SCTR: variants seen among roughly 807,000 people sequenced by gnomAD.
The protein encoded by SCTR is pancreatic secretin receptor.
In SCTR, 56 loss-of-function variants were observed where a neutral mutation model predicts 60.8. That is an observed-to-expected ratio of 0.92 (90% CI 0.74 to 1.15). The LOEUF (loss-of-function observed/expected upper bound fraction) is 1.15. Ranked by LOEUF, SCTR falls within the 50% of genes most tolerant of loss-of-function variation. The pLI is 0.00. For synonymous variants in SCTR, 202 were observed against 217.0 expected (o/e 0.93, Z 0.61); for missense variants, 562 against 550.4 (o/e 1.02, Z -0.21).
intron 6 of SCTR, among the ~76,000 whole-genome samples, chr2:119,463,701 G>A (rs947889131): frequency 2.6e-5 from 4 of 152,154 alleles, no homozygotes; most frequent in African/African-American, 4.8e-5. Context: ...AAAACACAAC[G>A]TTTTATTGCA....
intron 3 of SCTR, among the ~76,000 whole-genome samples, chr2:119,476,070 T>C (rs1341762921): frequency 1.3e-5 from 2 of 152,082 alleles, no homozygotes; most frequent in Non-Finnish European, 2.9e-5. Flanking sequence ...TCAGGACCCA[T>C]GTAGTAGGTG....
chr2:119,484,675 TTTG>T (rs869219375), intron 2 of SCTR: 33 of 33,660 alleles, frequency 9.8e-4, no homozygotes, highest in Admixed American at 4.7e-3. Context: ...GTTTTTTTTG[TTTG>T]TTTGTTTGTT....
chr2:119,508,662 T>G (rs1422808777), intron 1 of SCTR, among the ~76,000 whole-genome samples: 1 of 152,200 alleles, frequency 6.6e-6, no homozygotes, highest in African/African-American at 2.4e-5. Flanking sequence ...GTGCTGGGAT[T>G]ACAGGTGTGA....
intron 2 of SCTR, among the ~76,000 whole-genome samples, chr2:119,491,499 T>C (rs1275032257): frequency 6.6e-6 from 1 of 152,172 alleles, no homozygotes; most frequent in East Asian, 1.9e-4. Flanking sequence ...TGTTTCTTTC[T>C]TTCTTTCATT....
At chr2:119,501,968 C>G (rs1234229200) in intron 1 of SCTR, among the ~76,000 whole-genome samples, 2 of 152,128 alleles carry the variant, frequency 1.3e-5, no homozygotes, top group African/African-American at 4.8e-5. Context: ...GAATTAAAAA[C>G]CCAGTGGCCA....
intron 4 of SCTR, among the ~76,000 whole-genome samples, chr2:119,472,417 G>A (rs1677062375): frequency 1.3e-5 from 2 of 152,242 alleles, no homozygotes; most frequent in African/African-American, 4.8e-5. Flanking sequence ...GGCACAGTGT[G>A]CATGAGATTT....
chr2:119,513,730 G>C (rs1238939652), intron 1 of SCTR, among the ~76,000 whole-genome samples: 3 of 152,046 alleles, frequency 2.0e-5, no homozygotes, highest in Non-Finnish European at 2.9e-5. Flanking sequence ...TTACACATCA[G>C]AGCTGTACTT....
At chr2:119,445,311 G>T (rs150893145) in intron 11 of SCTR, among the ~76,000 whole-genome samples, 1 of 152,324 alleles carries the variant, frequency 6.6e-6, no homozygotes, top group African/African-American at 2.4e-5. Context: ...AAGAGCAGTG[G>T]TGAGGAAAGC....
intron 3 of SCTR, among the ~76,000 whole-genome samples, chr2:119,473,791 C>T (rs1050152404): frequency 1.3e-5 from 2 of 152,122 alleles, no homozygotes; most frequent in Non-Finnish European, 2.9e-5. Flanking sequence ...CGTGCCAGTC[C>T]CCCTTCTCAC....
intron 1 of SCTR, among the ~76,000 whole-genome samples, chr2:119,513,887 G>A (rs1390444190): frequency 3.3e-5 from 5 of 152,046 alleles, no homozygotes; most frequent in Non-Finnish European, 5.9e-5. Context: ...TTGCTTTTCT[G>A]GGTAAATTCC....
intron 1 of SCTR, among the ~76,000 whole-genome samples, chr2:119,517,899 G>T (rs986091624): frequency 1.3e-5 from 2 of 152,178 alleles, no homozygotes; most frequent in Non-Finnish European, 2.9e-5. Flanking sequence ...CCCCAGGGTG[G>T]CTGTATTTGG....
At chr2:119,452,581 C>G (rs1277489160) in intron 8 of SCTR, among the ~76,000 whole-genome samples, 1 of 152,122 alleles carries the variant, frequency 6.6e-6, no homozygotes, top group Non-Finnish European at 1.5e-5. Context: ...CCATTTTTTT[C>G]TAGACAAGCT....
intron 8 of SCTR, among the ~76,000 whole-genome samples, chr2:119,452,658 G>T (rs866128986): frequency 6.6e-6 from 1 of 152,064 alleles, no homozygotes; most frequent in Admixed American, 6.5e-5. Flanking sequence ...CAATTATTTC[G>T]GGCTAAATTT....
chr2:119,486,942 G>A (rs752834874), intron 2 of SCTR: 4 of 152,214 alleles, frequency 2.6e-5, no homozygotes, highest in Non-Finnish European at 5.9e-5. Flanking sequence ...AAAGGAGCTA[G>A]GAATGTTAGA....
chr2:119,485,094 C>G (rs1437452323), intron 2 of SCTR, among the ~76,000 whole-genome samples: 1 of 152,222 alleles, frequency 6.6e-6, no homozygotes, highest in African/African-American at 2.4e-5. Context: ...GTGACTAACA[C>G]CATCATCAGC....
chr2:119,474,158 C>A (rs986700510), intron 3 of SCTR, among the ~76,000 whole-genome samples: 9 of 152,220 alleles, frequency 5.9e-5, no homozygotes, highest in East Asian at 1.9e-4. Flanking sequence ...CACTGCCCCC[C>A]ACCCCTGGCA....
Position 119,478,819 on chromosome 2 carries a change from CT to C in SCTR, c.292del (p.Ser98AlafsTer30). 4 of 1,614,192 alleles carry C rather than the reference CT, an allele frequency of 2.5e-6. No homozygotes were observed. Among genetic ancestry groups the C allele is most frequent in the Non-Finnish European group, 3.4e-6 (4 of 1,180,030 alleles). ...ECPRFLRMLT[S>X]RNGSLFRNCT... ...ATGGGCCGAGTGGTTACCATTTCTG[CT>C]GGTGAGCATCCGGAGGAATCTCGGG... On this transcript the variant is annotated frameshift_variant, in exon 3 of 13. Coordinates refer to ENST00000019103, the MANE Select transcript of SCTR (RefSeq NM_002980.3). LOFTEE classifies it high-confidence loss of function.
chr2:119,453,608 A>G (rs1435726075), intron 7 of SCTR, among the ~76,000 whole-genome samples: 1 of 152,192 alleles, frequency 6.6e-6, no homozygotes, highest in African/African-American at 2.4e-5. Flanking sequence ...TCTCCTGGGA[A>G]CCCAGGCCAG....
intron 4 of SCTR, among the ~76,000 whole-genome samples, chr2:119,471,501 C>G (rs1046785609): frequency 6.6e-6 from 1 of 152,206 alleles, no homozygotes; most frequent in African/African-American, 2.4e-5. Context: ...TGCTTCCTCT[C>G]CCTTGGAGCT....
Sources: gnomAD v4.1 joint callset for allele counts (sites outside exome capture counted in the v4.1 genomes callset) on GRCh38, gnomAD v4.1.1 for gene constraint, MANE v1.5 for transcripts, NCBI Gene and HGNC (gene_info 2026-07-23, HGNC 2026-07-21) for gene names.